NBEA: variants seen among roughly 807,000 people sequenced by gnomAD.
The protein encoded by NBEA is lysosomal-trafficking regulator 2.
In NBEA, 44 loss-of-function variants were observed where a neutral mutation model predicts 343.4. The observed-to-expected ratio is 0.13, with a 90% CI of 0.10 to 0.16. The LOEUF (loss-of-function observed/expected upper bound fraction) is 0.16, where lower values mean the gene tolerates loss of function less well. Among genes scored for constraint, NBEA ranks in the 10% least tolerant of loss-of-function variants. The pLI, the probability that NBEA is intolerant of heterozygous loss-of-function variation, is 1.00. For synonymous variants in NBEA, 1,175 were observed against 1,238.7 expected (o/e 0.95, Z 1.08); for missense variants, 2,555 against 3,631.3 (o/e 0.70, Z 7.62).
At chr13:35,177,999 G>T (rs894998472) in intron 28 of NBEA, among the ~76,000 whole-genome samples, 1 of 151,612 alleles carries the variant, frequency 6.6e-6, no homozygotes, top group Non-Finnish European at 1.5e-5. Context: ...GTTATAAAAT[G>T]CTAGGAAAAT....
At chr13:34,996,697 A>C (rs1298135063) in intron 1 of NBEA, among the ~76,000 whole-genome samples, 1 of 152,032 alleles carries the variant, frequency 6.6e-6, no homozygotes, top group African/African-American at 2.4e-5. Flanking sequence ...ACATGGGAAA[A>C]TCATATTTCT....
At chr13:35,000,910 A>G (rs1338745926) in intron 1 of NBEA, among the ~76,000 whole-genome samples, 1 of 152,040 alleles carries the variant, frequency 6.6e-6, no homozygotes, top group Non-Finnish European at 1.5e-5. Flanking sequence ...AATTTCAAAA[A>G]AGAAAAAGCC....
intron 10 of NBEA, among the ~76,000 whole-genome samples, chr13:35,073,550 CTT>C (rs1415133795): frequency 7.2e-5 from 11 of 152,094 alleles, no homozygotes; most frequent in Admixed American, 2.6e-4. Flanking sequence ...TTTAATGAAA[CTT>C]TTCATTGTTT....
chr13:35,269,553 G>A (rs561604821), intron 34 of NBEA, among the ~76,000 whole-genome samples: 16 of 152,276 alleles, frequency 1.1e-4, no homozygotes, highest in South Asian at 8.3e-4. Context: ...TGATGTCATC[G>A]TTAGAATCTT....
chr13:35,215,127 C>T (rs140574289), intron 33 of NBEA, among the ~76,000 whole-genome samples: 2 of 151,138 alleles, frequency 1.3e-5, no homozygotes, highest in African/African-American at 2.4e-5. Flanking sequence ...TGGGTTAATT[C>T]GCATTTTCAT....
At chr13:35,587,873 C>A (rs1357132370) in intron 46 of NBEA, among the ~76,000 whole-genome samples, 8 of 152,096 alleles carry the variant, frequency 5.3e-5, no homozygotes, top group African/African-American at 1.9e-4. Context: ...TACACATGCC[C>A]TTGTCTATAG....
chr13:35,289,582 T>C (rs1361926795), intron 34 of NBEA, among the ~76,000 whole-genome samples: 1 of 151,828 alleles, frequency 6.6e-6, no homozygotes, highest in Non-Finnish European at 1.5e-5. Context: ...TCAATACATA[T>C]AAGAATTAAT....
intron 51 of NBEA, 56 bp from the exon 52 acceptor site, chr13:35,649,599 A>G (rs766724421): frequency 5.0e-5 from 72 of 1,445,490 alleles, no homozygotes; most frequent in Non-Finnish European, 6.6e-5. Context: ...TAGACCTTTC[A>G]CTAACTATGT....
rs1035400224 is a variant in NBEA at position 34,950,904 on chromosome 13, C to T, written c.294+7790C>T. Among the ~76,000 whole-genome samples the T allele has an allele frequency of 4.6e-5, 7 of 152,058 alleles. No individual in the cohort carries two copies. In the East Asian group the frequency reaches 1.4e-3, roughly 30 times the overall value. On this transcript the variant is annotated intron_variant, in intron 1 of 58. Coordinates refer to ENST00000379939, the MANE Select transcript of NBEA (RefSeq NM_001385012.1). The stretch of plus-strand genomic sequence containing the variant: ...GGGAGTTCAAGACCAACCTAAGCAA[C>T]AACCCTGGAGGTTGAGTCTGCAGTG...
chr13:35,339,891 C>T (rs2039486450), intron 36 of NBEA, among the ~76,000 whole-genome samples: 1 of 152,098 alleles, frequency 6.6e-6, no homozygotes, highest in African/African-American at 2.4e-5. Flanking sequence ...CCCACCTCCA[C>T]CACTGGAAAT....
intron 55 of NBEA, among the ~76,000 whole-genome samples, chr13:35,656,940 G>A (rs768500018): frequency 9.2e-5 from 14 of 152,168 alleles, no homozygotes; most frequent in Non-Finnish European, 1.8e-4. Context: ...GTTACATTGC[G>A]TGGCTGGCTG....
intron 35 of NBEA, among the ~76,000 whole-genome samples, chr13:35,306,496 A>G (rs1326865812): frequency 6.6e-6 from 1 of 151,964 alleles, no homozygotes; most frequent in African/African-American, 2.4e-5. Context: ...TTTAATGTAT[A>G]CAATATCTTC....
chr13:35,445,144 C>T (rs2045927784), intron 39 of NBEA, among the ~76,000 whole-genome samples: 1 of 152,074 alleles, frequency 6.6e-6, no homozygotes, highest in African/African-American at 2.4e-5. Context: ...TGTGCCAAGA[C>T]CATAGACTCA....
At chr13:35,318,648 A>T (rs533319350) in intron 36 of NBEA, among the ~76,000 whole-genome samples, 1 of 151,994 alleles carries the variant, frequency 6.6e-6, no homozygotes, top group African/African-American at 2.4e-5. Flanking sequence ...CTCTTTTTCT[A>T]CTGTTTGGAA....
chr13:35,460,158 C>T (rs545335320), intron 40 of NBEA, among the ~76,000 whole-genome samples: 2 of 152,118 alleles, frequency 1.3e-5, no homozygotes, highest in East Asian at 1.9e-4. Flanking sequence ...CTCTAAAATG[C>T]GTTTTGCTCA....
rs377263036 is a variant in NBEA at position 35,429,800 on chromosome 13, C to CAT, written c.6180-2469_6180-2468insAT. On this transcript the variant is annotated intron_variant, in intron 38 of 58. Coordinates refer to ENST00000379939, the MANE Select transcript of NBEA (RefSeq NM_001385012.1). ...CCCACCCTTTCCCCTGAGTCCCCAACGTGTGTGTGTGTGTGTGTGTGTGTG... is the reference window on the plus strand; with the variant it reads ...CCCACCCTTTCCCCTGAGTCCCCAACATGTGTGTGTGTGTGTGTGTGTGTGTG... 6.8e-4 allele frequency among the ~76,000 whole-genome samples: 96 copies of CAT among 140,276 alleles called. 3 individuals carry two copies. In the South Asian group the frequency reaches 0.023, roughly 34 times the overall value. The allele number at this position is 140,276 out of a possible 152,430, so 92.0% of individuals were successfully genotyped here. A position where few individuals can be genotyped will look rare whatever the true frequency, so the allele number is the denominator to read the frequency against.
At chr13:34,991,247 T>C (rs946360048) in intron 1 of NBEA, among the ~76,000 whole-genome samples, 3 of 152,196 alleles carry the variant, frequency 2.0e-5, no homozygotes, top group African/African-American at 7.2e-5. Context: ...CACTCTCCAG[T>C]GCCAATTTTC....
In NBEA at chr13:35,224,150, C is replaced by T. The variant is rs181197948; in HGVS notation, c.5649-8342C>T. On this transcript the variant is annotated intron_variant, in intron 33 of 58. Coordinates refer to ENST00000379939, the MANE Select transcript of NBEA (RefSeq NM_001385012.1). Reference sequence around the variant, plus strand: ...TGCCTTCCTCTTTTGCTGTACTTCTCTAGCCAGAGAGTTTTCTGCTTTTTA... The same window carrying T: ...TGCCTTCCTCTTTTGCTGTACTTCTTTAGCCAGAGAGTTTTCTGCTTTTTA... Among the ~76,000 whole-genome samples, 73 of 152,282 alleles carry T rather than the reference C, an allele frequency of 4.8e-4. 1 individual carries two copies. The highest frequency in any genetic ancestry group is 4.7e-3 in the Admixed American group (72 of 15,282).
intron 39 of NBEA, among the ~76,000 whole-genome samples, chr13:35,436,593 C>T (rs1190239730): frequency 2.0e-5 from 3 of 151,852 alleles, no homozygotes; most frequent in Non-Finnish European, 4.4e-5. Context: ...ACCTGTAGTC[C>T]CAGCTACTCG....
Sources: allele counts gnomAD v4.1 joint callset (sites outside exome capture counted in the v4.1 genomes callset), GRCh38; gene constraint gnomAD v4.1.1; transcripts MANE v1.5; gene names NCBI Gene and HGNC (gene_info 2026-07-23, HGNC 2026-07-21).